ABR: variants seen among roughly 807,000 people sequenced by gnomAD.
The protein encoded by ABR is ABR activator of RhoGEF and GTPase, also known as active breakpoint cluster region-related protein.
ABR carries 35 observed loss-of-function variants against 107.2 expected under a neutral mutation model. That is an observed-to-expected ratio of 0.33 (90% CI 0.25 to 0.43). The LOEUF (loss-of-function observed/expected upper bound fraction) is 0.43. Among genes scored for constraint, ABR ranks in the 20% least tolerant of loss-of-function variants. ABR has a pLI of 1.00. For missense variants in ABR, 815 were observed against 1,115.2 expected (o/e 0.73, Z 3.83); for synonymous variants, 498 against 462.0 (o/e 1.08, Z -1.00).
In ABR at chr17:1,210,588, C is replaced by T. The variant is rs773932466; in HGVS notation, c.838+18205G>A. On this transcript the variant is annotated intron_variant, in intron 1 of 22. Transcript: ENST00000574139. The surrounding 1 kb of genome is among the most constrained non-coding windows in gnomAD (Gnocchi z 5.6). ...GTCCAGGTGTCACTCAGCTTCTCTG[C>T]ACTATCGTCCAGGTGTCACTCAGCT... Among the ~76,000 whole-genome samples the T allele has an allele frequency of 1.3e-5, 2 of 152,194 alleles. No homozygotes were observed. Among genetic ancestry groups the T allele is most frequent in the African/African-American group, 2.4e-5 (1 of 41,464 alleles).
rs995102430 is a variant in ABR at position 1,065,739 on chromosome 17, A to G, written c.1182+1338T>C. ...TTGTCAGTTTGAACTTTCCAAACCA[A>G]TGCTTTTTTTTTTTTTTTTTTTTTT... is the stretch of plus-strand genomic sequence containing the variant. On this transcript the variant is annotated intron_variant, in intron 10 of 22. Coordinates refer to ENST00000302538, the MANE Select transcript of ABR (RefSeq NM_021962.5). Among the ~76,000 whole-genome samples, 21 of 125,598 alleles carry G rather than the reference A, an allele frequency of 1.7e-4. 1 individual carries two copies. In the East Asian group the frequency reaches 4.7e-3, roughly 28 times the overall value. 82.4% of individuals were successfully genotyped at this position (125,598 alleles called of 152,430 possible).
intron 1 of ABR, among the ~76,000 whole-genome samples, chr17:1,143,434 T>G (rs1396773285): frequency 2.7e-4 from 10 of 36,642 alleles, no homozygotes; most frequent in African/African-American, 1.0e-3. Flanking sequence ...GGACAGCTCA[T>G]TCCTGGGGGA....
At chr17:1,175,014 T>G (rs116041434) in intron 1 of ABR, among the ~76,000 whole-genome samples, 1 of 151,514 alleles carries the variant, frequency 6.6e-6, no homozygotes, top group African/African-American at 2.4e-5. Flanking sequence ...TCTAATCCCA[T>G]GGGATTGGGA....
intron 1 of ABR, among the ~76,000 whole-genome samples, chr17:1,227,835 G>A (rs1245792109): frequency 6.6e-6 from 1 of 152,028 alleles, no homozygotes; most frequent in African/African-American, 2.4e-5. Flanking sequence ...CCCACTCCCT[G>A]ACCTAGAAAG....
At chr17:1,081,823 C>T (rs1482097038) in intron 5 of ABR, among the ~76,000 whole-genome samples, 8 of 151,570 alleles carry the variant, frequency 5.3e-5, no homozygotes, top group Non-Finnish European at 7.4e-5. Flanking sequence ...GTGATCCGCC[C>T]GCCTCGGCCT....
intron 1 of ABR, among the ~76,000 whole-genome samples, chr17:1,193,863 T>TGTTTTG (rs1555618425): frequency 1.3e-5 from 2 of 151,206 alleles, no homozygotes; most frequent in South Asian, 2.1e-4. Flanking sequence ...GCTAATTTTT[T>TGTTTTG]TTTTGTATTT....
At chr17:1,021,325 C>T (rs35283857) in intron 16 of ABR, among the ~76,000 whole-genome samples, 5 of 152,138 alleles carry the variant, frequency 3.3e-5, no homozygotes, top group South Asian at 2.1e-4. Context: ...GGAGCCCACT[C>T]GGTCACTCCC....
chr17:1,179,585 C>T lies in ABR; in HGVS notation c.61+82G>A. 7.3e-7 allele frequency: 1 copy of T among 1,362,868 alleles called. No individual in the cohort carries two copies. The highest frequency in any genetic ancestry group is 9.6e-7 in the Non-Finnish European group (1 of 1,039,356). 84.4% of individuals were successfully genotyped at this position (1,362,868 alleles called of 1,614,324 possible). ...GGTCCCGATCCCGATCTTGGGGTCC[C>T]GATCCCGATCCTGGGGTCCCGATCT... On this transcript the variant is annotated intron_variant, in intron 1 of 22. Transcript: ENST00000302538. The surrounding 1 kb of genome is among the most constrained non-coding windows in gnomAD (Gnocchi z 4.9).
chr17:1,216,551 A>G (rs2043014238), intron 1 of ABR, among the ~76,000 whole-genome samples: 1 of 152,234 alleles, frequency 6.6e-6, no homozygotes, highest in Admixed American at 6.5e-5. Flanking sequence ...CCATCTTCCC[A>G]TCTTTCAAGA....
At chr17:1,173,288 A>AACACATCACCTCAGTCCACCCCCC (rs2041806999) in intron 1 of ABR, among the ~76,000 whole-genome samples, 1 of 48,966 alleles carries the variant, frequency 2.0e-5, no homozygotes, top group Non-Finnish European at 5.9e-5. Flanking sequence ...CAGCCCACCC[A>AACACATCACCTCAGTCCACCCCCC]ACACATCACC....
chr17:1,050,089 A>T lies in ABR; in HGVS notation c.1752T>A (p.Asn584Lys). The part of the protein sequence containing the change: ...YDKTKVNKDN[N>K]EIVDKIMGKG... Reference sequence around the variant, plus strand: ...TGCCCATGATCTTGTCCACGATCTCATTGTTGTCCTTGTTGACCTTGGTCT... The same window carrying T: ...TGCCCATGATCTTGTCCACGATCTCTTTGTTGTCCTTGTTGACCTTGGTCT... Residue 584 changes from asparagine to lysine, a missense_variant, in exon 16 of 23, where the codon AAT becomes AAA. Asn to Lys is a moderately conservative substitution (Grantham distance 94). This residue lies in a region of ABR where 92 missense variants were observed against 82.3 expected (regional missense o/e 1.12). Transcript: ENST00000302538. The surrounding 1 kb of genome is among the most constrained non-coding windows in gnomAD (Gnocchi z 4.6). 1 of 1,613,892 alleles carries T rather than the reference A, an allele frequency of 6.2e-7. No individual in the cohort carries two copies. The highest frequency in any genetic ancestry group is 8.5e-7 in the Non-Finnish European group (1 of 1,179,860).
At chr17:1,025,435 T>C in intron 16 of ABR, among the ~76,000 whole-genome samples, 1 of 152,186 alleles carries the variant, frequency 6.6e-6, no homozygotes, top group Non-Finnish European at 1.5e-5. Flanking sequence ...GTTCAAAACA[T>C]ATCGTCACAG....
At chr17:1,022,258 C>A (rs140063482) in intron 16 of ABR, among the ~76,000 whole-genome samples, 1 of 152,184 alleles carries the variant, frequency 6.6e-6, no homozygotes, top group South Asian at 2.1e-4. Flanking sequence ...AGCCAGGCAT[C>A]GGGTCTGAGG....
At chr17:1,006,586 G>A (rs1264402653) in intron 22 of ABR, among the ~76,000 whole-genome samples, 1 of 152,188 alleles carries the variant, frequency 6.6e-6, no homozygotes, top group Non-Finnish European at 1.5e-5. Context: ...CCTGGTCTAG[G>A]CTCACATGTT....
intron 16 of ABR, among the ~76,000 whole-genome samples, chr17:1,013,918 G>A (rs180889950): frequency 1.3e-5 from 2 of 152,328 alleles, no homozygotes; most frequent in East Asian, 1.9e-4. Flanking sequence ...GGGGGCCTTC[G>A]CGCCCGTCTG....
chr17:1,100,399 T>G (rs1262928889), intron 3 of ABR, among the ~76,000 whole-genome samples: 1 of 152,230 alleles, frequency 6.6e-6, no homozygotes, highest in African/African-American at 2.4e-5. Context: ...TTGCCATCTC[T>G]AAGCCGGGTG....
chr17:1,031,721 C>G, intron 16 of ABR: 12 of 1,245,856 alleles, frequency 9.6e-6, no homozygotes, highest in Non-Finnish European at 1.2e-5. Flanking sequence ...TGCAGTCGGG[C>G]TGGGGCAGGA....
intron 1 of ABR, among the ~76,000 whole-genome samples, chr17:1,141,309 T>C (rs1482914318): frequency 6.6e-6 from 1 of 152,050 alleles, no homozygotes; most frequent in Non-Finnish European, 1.5e-5. Context: ...GGAGCAGAGG[T>C]TGGGGAGCCA....
At chr17:1,113,884 T>G (rs188443532) in intron 2 of ABR, among the ~76,000 whole-genome samples, 74 of 152,308 alleles carry the variant, frequency 4.9e-4, no homozygotes, top group African/African-American at 1.4e-3. Flanking sequence ...ACTATACATA[T>G]AGGCCGGGTG....
Sources: allele counts gnomAD v4.1 joint callset (sites outside exome capture counted in the v4.1 genomes callset), GRCh38; gene constraint gnomAD v4.1.1; regional missense constraint gnomAD v4.1.1; non-coding constraint Gnocchi (gnomAD v3.1); transcripts MANE v1.5; gene names NCBI Gene and HGNC (gene_info 2026-07-23, HGNC 2026-07-21).